The following GPBP1 variants were observed in gnomAD, a reference collection of about 807,000 sequenced individuals.
The protein encoded by GPBP1 is GC-rich promoter binding protein 1.
GPBP1 carries 13 observed loss-of-function variants against 56.5 expected under a neutral mutation model. The ratio of observed to expected loss-of-function variants is 0.23; its 90% confidence interval spans 0.15 to 0.37. The LOEUF (loss-of-function observed/expected upper bound fraction) is 0.37, where lower values mean the gene tolerates loss of function less well. GPBP1 is among the 10% of genes least tolerant of loss of function. The probability of loss-of-function intolerance (pLI) is 1.00; values close to 1 mark genes in which losing one functional copy is unlikely to be tolerated. For missense variants in GPBP1, 477 were observed against 572.3 expected (o/e 0.83, Z 1.70); for synonymous variants, 204 against 188.9 (o/e 1.08, Z -0.66).
In GPBP1 at chr5:57,193,286, C is replaced by T. The variant is rs559432026; in HGVS notation, c.-58+16886C>T. ...AGCCGAGATCGAGCCCTTGTGCTCT[C>T]GCCTGGGTGACAAGAGTGAAACTCC... On this transcript the variant is annotated intron_variant, in intron 2 of 11. Coordinates refer to ENST00000506184, the MANE Select transcript of GPBP1 (RefSeq NM_022913.4). Among the ~76,000 whole-genome samples the T allele has an allele frequency of 1.7e-4, 26 of 151,548 alleles. No homozygotes were observed. The South Asian group carries it at 3.3e-3, about 19-fold the overall frequency.
intron 3 of GPBP1, among the ~76,000 whole-genome samples, chr5:57,228,892 TAAGC>T (rs1756315252): frequency 6.6e-6 from 1 of 151,780 alleles, no homozygotes; most frequent in Non-Finnish European, 1.5e-5. Context: ...CTGAGAGAAG[TAAGC>T]AAGCATATAT....
chr5:57,210,461 T>C (rs747843099), intron 2 of GPBP1, among the ~76,000 whole-genome samples: 1 of 152,224 alleles, frequency 6.6e-6, no homozygotes, highest in Admixed American at 6.5e-5. Flanking sequence ...AAATTTAGTA[T>C]TGGGGGGCCA....
At chr5:57,207,479 C>T (rs1454738348) in intron 2 of GPBP1, among the ~76,000 whole-genome samples, 2 of 152,116 alleles carry the variant, frequency 1.3e-5, no homozygotes, top group South Asian at 4.1e-4. Flanking sequence ...ACTCCGACCC[C>T]ACGGCAGCAC....
chr5:57,220,479 A>C (rs1159588702), intron 3 of GPBP1, among the ~76,000 whole-genome samples: 1 of 127,696 alleles, frequency 7.8e-6, no homozygotes, highest in African/African-American at 3.0e-5. Flanking sequence ...TTTTTTTTTG[A>C]GATGGAGTCT....
intron 2 of GPBP1, among the ~76,000 whole-genome samples, chr5:57,179,895 C>A (rs1234250030): frequency 6.6e-6 from 1 of 151,986 alleles, no homozygotes; most frequent in East Asian, 1.9e-4. Flanking sequence ...CTGGGCCCGG[C>A]CCCTTGTCTC....
chr5:57,220,160 T>C (rs1365082458), intron 3 of GPBP1, among the ~76,000 whole-genome samples: 1 of 151,844 alleles, frequency 6.6e-6, no homozygotes, highest in Admixed American at 6.6e-5. Flanking sequence ...ATTTAAAAAA[T>C]TAAAAAAAAA....
In GPBP1 at chr5:57,262,716, A is replaced by G. The variant is rs1365422204; in HGVS notation, c.1386A>G (p.Thr462=). Residue 462 remains threonine (T), a synonymous_variant, in exon 12 of 12, where the codon ACA becomes ACG. Coordinates refer to ENST00000506184, the MANE Select transcript of GPBP1 (RefSeq NM_022913.4). The part of the protein sequence containing the change: ...KPTTENDDTE[T]SSSDTSDDDD... ...CAACTGAGAATGATGACACAGAGAC[A>G]AGTAGCAGTGATACATCAGATGACG... 1 of 1,613,878 alleles carries G rather than the reference A, an allele frequency of 6.2e-7. No individual in the cohort carries two copies.
At chr5:57,242,724 G>A (rs757467030) in intron 6 of GPBP1, among the ~76,000 whole-genome samples, 3 of 152,066 alleles carry the variant, frequency 2.0e-5, no homozygotes, top group Non-Finnish European at 4.4e-5. Flanking sequence ...GGAATTACAG[G>A]TTTGAGCCAC....
intron 3 of GPBP1, among the ~76,000 whole-genome samples, chr5:57,219,309 G>C (rs1413515563): frequency 7.1e-6 from 1 of 141,594 alleles, no homozygotes; most frequent in Non-Finnish European, 1.5e-5. Flanking sequence ...CCGGGAGGCA[G>C]AGGTTGCAGT....
intron 2 of GPBP1, among the ~76,000 whole-genome samples, chr5:57,196,103 T>A (rs1023427529): frequency 6.6e-6 from 1 of 151,906 alleles, no homozygotes; most frequent in Non-Finnish European, 1.5e-5. Flanking sequence ...GATGGTTACT[T>A]CTTGTCAGTG....
chr5:57,180,746 G>C (rs1754007568), intron 2 of GPBP1, among the ~76,000 whole-genome samples: 1 of 151,912 alleles, frequency 6.6e-6, no homozygotes, highest in South Asian at 2.1e-4. Context: ...GATTTTTTTG[G>C]GGTTTTTTGT....
chr5:57,175,331 C>T (rs536512954), intron 1 of GPBP1, 117 bp from the exon 2 acceptor site: 14 of 385,516 alleles, frequency 3.6e-5, no homozygotes, highest in East Asian at 2.6e-4. Context: ...TTTCCAGGCT[C>T]CTGTAGGGTT....
intron 10 of GPBP1, among the ~76,000 whole-genome samples, chr5:57,255,197 T>TCTCCC (rs909456902): frequency 3.3e-5 from 4 of 120,850 alleles, no homozygotes; most frequent in Admixed American, 3.0e-4. Context: ...CTCTCTCTTC[T>TCTCCC]CTCCCCTTCT....
intron 2 of GPBP1, among the ~76,000 whole-genome samples, chr5:57,208,909 C>T (rs566687689): frequency 2.0e-5 from 3 of 152,218 alleles, no homozygotes; most frequent in African/African-American, 4.8e-5. Context: ...CCTGCCTGGG[C>T]CTCCCAAAGT....
intron 10 of GPBP1, among the ~76,000 whole-genome samples, chr5:57,251,572 CCT>C (rs1188937511): frequency 6.0e-5 from 9 of 149,864 alleles, no homozygotes; most frequent in African/African-American, 2.0e-4. Context: ...GTTGTTTCCA[CCT>C]CTTTTTTTTT....
At chr5:57,208,037 C>T (rs1319714996) in intron 2 of GPBP1, among the ~76,000 whole-genome samples, 2 of 152,088 alleles carry the variant, frequency 1.3e-5, no homozygotes, top group African/African-American at 2.4e-5. Flanking sequence ...TTGGGAAATG[C>T]ATCATTTGGT....
intron 5 of GPBP1, among the ~76,000 whole-genome samples, 196 bp from the exon 6 acceptor site, chr5:57,235,770 G>A (rs540242886): frequency 1.3e-5 from 2 of 152,248 alleles, no homozygotes; most frequent in South Asian, 2.1e-4. Flanking sequence ...AAATCCAAGT[G>A]CTTCAATGAG....
chr5:57,218,542 A>G (rs536504106), intron 3 of GPBP1, among the ~76,000 whole-genome samples: 4 of 152,202 alleles, frequency 2.6e-5, no homozygotes, highest in South Asian at 4.1e-4. Context: ...GTGTTCAGCA[A>G]TTGGTCTATG....
At chr5:57,219,401 AAACC>A (rs1561348282) in intron 3 of GPBP1, among the ~76,000 whole-genome samples, 3 of 53,086 alleles carry the variant, frequency 5.7e-5, no homozygotes, top group African/African-American at 1.6e-4. Context: ...AAAAAAAAAA[AAACC>A]AAAAACAAAC....
Sources: gnomAD v4.1 joint callset for allele counts (sites outside exome capture counted in the v4.1 genomes callset) on GRCh38, gnomAD v4.1.1 for gene constraint, MANE v1.5 for transcripts, NCBI Gene and HGNC (gene_info 2026-07-23, HGNC 2026-07-21) for gene names.